TUSC3: variants seen among roughly 807,000 people sequenced by gnomAD.
TUSC3 encodes the protein dolichyl-diphosphooligosaccharide--protein glycosyltransferase subunit TUSC3.
Under a neutral mutation model 44.8 loss-of-function variants are expected in TUSC3, and 45 were observed. That is an observed-to-expected ratio of 1.00 (90% confidence interval 0.79 to 1.29). The LOEUF (loss-of-function observed/expected upper bound fraction) is 1.29. Among genes scored for constraint, TUSC3 ranks in the 50% most tolerant of loss-of-function variants. The pLI is 0.00. For missense variants in TUSC3, 519 were observed against 437.9 expected, an observed-to-expected ratio of 1.19 and a Z score of -1.65; for synonymous variants, 212 against 152.9, an observed-to-expected ratio of 1.39 and a Z score of -2.85.
At chr8:15,733,188 C>G (rs1300758969) in intron 7 of TUSC3, among the ~76,000 whole-genome samples, 1 of 152,092 alleles carries the variant, frequency 6.6e-6, no homozygotes, top group African/African-American at 2.4e-5. Context: ...ATCTACTCCT[C>G]TCTATTAAAA....
intron 1 of TUSC3, among the ~76,000 whole-genome samples, chr8:15,442,217 T>C (rs1800029885): frequency 6.6e-6 from 1 of 152,152 alleles, no homozygotes; most frequent in African/African-American, 2.4e-5. Flanking sequence ...TGTTGCAATT[T>C]ATACTACCTA....
intron 1 of TUSC3, among the ~76,000 whole-genome samples, chr8:15,425,595 G>A (rs1199567353): frequency 6.6e-6 from 1 of 152,240 alleles, no homozygotes; most frequent in Non-Finnish European, 1.5e-5. Flanking sequence ...AAGTTTGTAT[G>A]TAAGTTCAAA....
chr8:15,530,792 T>C (rs781168693), intron 2 of TUSC3, among the ~76,000 whole-genome samples: 2 of 152,230 alleles, frequency 1.3e-5, no homozygotes, highest in Non-Finnish European at 2.9e-5. Flanking sequence ...ATTGTTTTAT[T>C]TCATCCTCAC....
At chr8:15,527,317 A>G (rs140171833) in intron 2 of TUSC3, among the ~76,000 whole-genome samples, 3,061 of 152,184 alleles carry the variant, frequency 0.02, 101 homozygotes, top group African/African-American at 0.068. Flanking sequence ...CCCAGGTTTA[A>G]GTGATTCTTC....
At chr8:15,738,658 T>C (rs1304669615) in intron 7 of TUSC3, among the ~76,000 whole-genome samples, 1 of 152,078 alleles carries the variant, frequency 6.6e-6, no homozygotes, top group Non-Finnish European at 1.5e-5. Context: ...ATCCACACTT[T>C]TATTAACTCA....
intron 1 of TUSC3, among the ~76,000 whole-genome samples, chr8:15,465,541 T>C (rs910345737): frequency 8.5e-5 from 13 of 152,318 alleles, no homozygotes; most frequent in African/African-American, 3.1e-4. Context: ...AAAATGCTTT[T>C]TAAAAATACA....
the TUSC3 span, chr8:15,806,172 G>A: frequency 4.2e-6 from 2 of 481,230 alleles, no homozygotes; most frequent in Non-Finnish European, 8.1e-6. Flanking sequence ...AGTTGATGTG[G>A]AGTCACTGTC....
chr8:15,787,173 G>A, the TUSC3 span, among the ~76,000 whole-genome samples: 98,636 of 151,944 alleles, frequency 0.65, 33,002 homozygotes, highest in African/African-American at 0.8. Context: ...ATATTATTTC[G>A]TTGTGTTGTT....
the TUSC3 span, among the ~76,000 whole-genome samples, chr8:15,790,903 A>T: frequency 6.6e-6 from 1 of 152,170 alleles, no homozygotes; most frequent in Non-Finnish European, 1.5e-5. Context: ...CTTCTCAAGG[A>T]GTAGATACTG....
chr8:15,531,471 C>T (rs565962809), intron 2 of TUSC3, among the ~76,000 whole-genome samples: 3 of 152,166 alleles, frequency 2.0e-5, no homozygotes, highest in Non-Finnish European at 4.4e-5. Flanking sequence ...AGGCTGGTCT[C>T]GAACTCCTGA....
intron 6 of TUSC3, among the ~76,000 whole-genome samples, chr8:15,730,020 T>G (rs2129207866): frequency 6.6e-6 from 1 of 152,192 alleles, no homozygotes; most frequent in Non-Finnish European, 1.5e-5. Context: ...GGACATTTAT[T>G]TAAAACAACT....
chr8:15,850,694 G>C, the TUSC3 span, among the ~76,000 whole-genome samples: 5 of 152,096 alleles, frequency 3.3e-5, no homozygotes, highest in Non-Finnish European at 5.9e-5. Flanking sequence ...GAAAGGAATG[G>C]GTGAGGTGAT....
chr8:15,660,821 A>G (rs1807389744), intron 4 of TUSC3, among the ~76,000 whole-genome samples: 1 of 151,570 alleles, frequency 6.6e-6, no homozygotes, highest in African/African-American at 2.4e-5. Flanking sequence ...TTGTTTCCTT[A>G]TAAGAAATAC....
At chr8:15,431,565 A>C (rs1056130511) in intron 1 of TUSC3, among the ~76,000 whole-genome samples, 1 of 150,994 alleles carries the variant, frequency 6.6e-6, no homozygotes, top group African/African-American at 2.5e-5. Flanking sequence ...TAGATTTAAC[A>C]GTGCTTGGCA....
At chr8:15,629,443 A>T (rs923583542) in intron 2 of TUSC3, among the ~76,000 whole-genome samples, 1 of 152,148 alleles carries the variant, frequency 6.6e-6, no homozygotes, top group African/African-American at 2.4e-5. Flanking sequence ...GAGTTTCTAC[A>T]AATATTTTTC....
intron 2 of TUSC3, among the ~76,000 whole-genome samples, chr8:15,515,525 A>G (rs1451018847): frequency 6.6e-6 from 1 of 152,138 alleles, no homozygotes; most frequent in Non-Finnish European, 1.5e-5. Flanking sequence ...TTGGTTCATT[A>G]ATAGGTATAG....
chr8:15,611,115 G>T (rs1804742557), intron 1 of TUSC3, among the ~76,000 whole-genome samples: 1 of 152,022 alleles, frequency 6.6e-6, no homozygotes, highest in Non-Finnish European at 1.5e-5. Flanking sequence ...ATTGGTTTGG[G>T]ATTTTACAGT....
rs559172941 is a variant in TUSC3, at chr8:15,532,437, A to G, written n.189+48954A>G. 5.3e-5 allele frequency among the ~76,000 whole-genome samples: 8 copies of G among 152,308 alleles called. No individual in the cohort carries two copies. The East Asian group carries it at 1.5e-3, about 29-fold the overall frequency. On this transcript the variant is annotated intron_variant and non_coding_transcript_variant, in intron 2 of 5. Transcript: ENST00000503191. ...TAGGAGGTTTATTTGCCAAAAGTTA[A>G]GATAAGCCCTGGAAAGACCATAGAT...
At chr8:15,849,229 C>A in the TUSC3 span, among the ~76,000 whole-genome samples, 1 of 152,108 alleles carries the variant, frequency 6.6e-6, no homozygotes, top group Admixed American at 6.6e-5. Flanking sequence ...GCCACATAAT[C>A]TTTGGAAGCA....
Sources: allele counts gnomAD v4.1 joint callset (sites outside exome capture counted in the v4.1 genomes callset), GRCh38; gene constraint gnomAD v4.1.1; transcripts MANE v1.5; gene names NCBI Gene and HGNC (gene_info 2026-07-23, HGNC 2026-07-21).